Variants in SNX6 observed in about 807,000 individuals in gnomAD.
SNX6 encodes the protein sorting nexin 6.
SNX6 carries 34 observed loss-of-function variants against 63.0 expected under a neutral mutation model. The observed-to-expected ratio is 0.54, with a 90% CI of 0.41 to 0.72. SNX6 has a LOEUF of 0.72. Among genes scored for constraint, SNX6 ranks in the 30% least tolerant of loss-of-function variants. The probability of loss-of-function intolerance (pLI) is 0.00; values close to 1 mark genes in which losing one functional copy is unlikely to be tolerated. For missense variants in SNX6, 398 were observed against 471.4 expected (o/e 0.84, Z 1.44); for synonymous variants, 170 against 164.2 (o/e 1.04, Z -0.27).
chr14:34,579,238 G>C (rs1002159571), intron 10 of SNX6, among the ~76,000 whole-genome samples: 1 of 152,012 alleles, frequency 6.6e-6, no homozygotes, highest in African/African-American at 2.4e-5. Flanking sequence ...TAGCAGTATT[G>C]TTATAAAGAA....
chr14:34,592,074 A>G (rs1468802387), intron 8 of SNX6, among the ~76,000 whole-genome samples: 1 of 152,188 alleles, frequency 6.6e-6, no homozygotes, highest in Non-Finnish European at 1.5e-5. Context: ...GGCATTCTTA[A>G]GTGAAAGTCA....
At position 34,568,272 on chromosome 14, in the gene SNX6, C is replaced by A. The variant is rs191051210; in HGVS notation, c.922-259G>T. Among the ~76,000 whole-genome samples the A allele has an allele frequency of 2.3e-3, 348 of 150,760 alleles. 4 individuals carry two copies. Among genetic ancestry groups the A allele is most frequent in the East Asian group, 0.014 (70 of 5,128 alleles). ...TTTAAGACGGATTCTCGCTCTGTCACCAGGCTGGAGTGCAGTGGCGCGATC... is the reference window on the plus strand; with the variant it reads ...TTTAAGACGGATTCTCGCTCTGTCAACAGGCTGGAGTGCAGTGGCGCGATC... On this transcript the variant is annotated intron_variant, in intron 11 of 13. Coordinates refer to ENST00000362031, the MANE Select transcript of SNX6 (RefSeq NM_152233.4).
At chr14:34,591,544 G>A (rs1169645750) in intron 8 of SNX6, among the ~76,000 whole-genome samples, 1 of 151,930 alleles carries the variant, frequency 6.6e-6, no homozygotes, top group South Asian at 2.1e-4. Flanking sequence ...AGGCTGCAGT[G>A]AGACGAGATC....
At chr14:34,627,449 G>A (rs565985190) in intron 2 of SNX6, among the ~76,000 whole-genome samples, 5 of 148,556 alleles carry the variant, frequency 3.4e-5, no homozygotes, top group South Asian at 4.2e-4. Flanking sequence ...GCGAGACTCC[G>A]TTTCAAAAAA....
chr14:34,567,696 T>C lies in SNX6; in HGVS notation c.1157A>G (p.Lys386Arg), dbSNP rs1236845576. ...TTATTACAACACTACCTTTGCATGC[T>C]TCAGTTCTAACTCTGCCAGTTCCAC... ...NLVELAELEL[K>R]HAKGNLQLLQ... Residue 386 changes from lysine to arginine, a missense_variant, in exon 13 of 14, where the codon AAG becomes AGG. By Grantham distance (26) the Lys-to-Arg change is conservative (BLOSUM62 2). Transcript: ENST00000362031. 8 of 1,611,480 alleles carry C rather than the reference T, an allele frequency of 5.0e-6. 1 individual carries two copies. The African/African-American group carries it at 1.1e-4, about 22-fold the overall frequency.
chr14:34,630,040 G>A, intron 1 of SNX6, 71 bp downstream of exon 1: 1 of 1,438,548 alleles, frequency 7.0e-7, no homozygotes, highest in East Asian at 2.9e-5. Context: ...GGCTGGCGCG[G>A]TCCCCGCGCC....
At chr14:34,596,806 T>C (rs1882619923) in intron 7 of SNX6, among the ~76,000 whole-genome samples, 1 of 151,680 alleles carries the variant, frequency 6.6e-6, no homozygotes, top group African/African-American at 2.4e-5. Context: ...GTAGCTGGGA[T>C]TACAGGCACG....
At chr14:34,584,954 G>A (rs1423879103) in intron 9 of SNX6, among the ~76,000 whole-genome samples, 2 of 151,908 alleles carry the variant, frequency 1.3e-5, no homozygotes, top group African/African-American at 4.8e-5. Context: ...CTGGGTTTAA[G>A]CGATTCTCCT....
intron 7 of SNX6, among the ~76,000 whole-genome samples, chr14:34,596,621 G>GA (rs71121212): frequency 0.39 from 50,695 of 131,110 alleles, 10,766 homozygotes; most frequent in East Asian, 0.73. Flanking sequence ...TCTATCTCAG[G>GA]AAAAAAAAAA....
intron 13 of SNX6, among the ~76,000 whole-genome samples, chr14:34,566,919 T>C (rs1327324229): frequency 6.6e-6 from 1 of 151,448 alleles, no homozygotes. Context: ...CATAATTAAA[T>C]AAATACATTT....
intron 9 of SNX6, among the ~76,000 whole-genome samples, chr14:34,583,367 T>A (rs1191682307): frequency 6.6e-6 from 1 of 152,130 alleles, no homozygotes; most frequent in Non-Finnish European, 1.5e-5. Context: ...GGTATCAGCA[T>A]TTGACAGATA....
chr14:34,613,232 T>C (rs1212396865), intron 2 of SNX6, among the ~76,000 whole-genome samples: 2 of 152,214 alleles, frequency 1.3e-5, no homozygotes, highest in Non-Finnish European at 2.9e-5. Flanking sequence ...GAGCTGGCCC[T>C]GCCAGGTTGA....
intron 11 of SNX6, among the ~76,000 whole-genome samples, chr14:34,573,122 C>G (rs1881524337): frequency 6.6e-6 from 1 of 152,118 alleles, no homozygotes; most frequent in African/African-American, 2.4e-5. Context: ...ACTACGGGAA[C>G]ACACCACCAT....
At chr14:34,586,746 A>T (rs1174532388) in intron 8 of SNX6, among the ~76,000 whole-genome samples, 1 of 122,284 alleles carries the variant, frequency 8.2e-6, no homozygotes, top group Non-Finnish European at 1.8e-5. Flanking sequence ...GCAGTAGCTC[A>T]TGCCTGTAAT....
At chr14:34,603,280 C>T (rs1037288501) in intron 6 of SNX6, 68 bp downstream of exon 6, 40 of 1,451,110 alleles carry the variant, frequency 2.8e-5, no homozygotes, top group African/African-American at 2.0e-4. Flanking sequence ...AGCGAGATTC[C>T]GTCTCAAAAA....
At chr14:34,604,099 C>T (rs1594734969) in intron 5 of SNX6, 1 of 1,175,812 alleles carries the variant, frequency 8.5e-7, no homozygotes, top group South Asian at 1.6e-5. Flanking sequence ...GATATTCTTG[C>T]TTCAACTACG....
chr14:34,581,659 GTA>G (rs1245416514), intron 9 of SNX6, 59 bp from the exon 10 acceptor site: 3 of 1,078,458 alleles, frequency 2.8e-6, no homozygotes, highest in African/African-American at 1.5e-5. Flanking sequence ...CATTTCAAAT[GTA>G]TGAGAATATG....
At chr14:34,596,652 A>T (rs1218074458) in intron 7 of SNX6, among the ~76,000 whole-genome samples, 1 of 150,844 alleles carries the variant, frequency 6.6e-6, no homozygotes, top group Non-Finnish European at 1.5e-5. Flanking sequence ...GAGAAAATGG[A>T]AAAGCTGAGA....
At position 34,567,676 on chromosome 14, in the gene SNX6, A is replaced by G; in HGVS notation, c.1167+10T>C. The G allele has an allele frequency of 6.2e-7, 1 of 1,600,524 alleles. No homozygotes were observed. Among genetic ancestry groups the G allele is most frequent in the Non-Finnish European group, 8.6e-7 (1 of 1,168,864 alleles). On this transcript the variant is annotated intron_variant, in intron 13 of 13. Coordinates refer to ENST00000362031, the MANE Select transcript of SNX6 (RefSeq NM_152233.4). ...TAACTTAAATTATTAAATCTTTATT[A>G]CAACACTACCTTTGCATGCTTCAGT... is the stretch of plus-strand genomic sequence containing the variant.
Sources: gnomAD v4.1 joint callset for allele counts (sites outside exome capture counted in the v4.1 genomes callset) on GRCh38, gnomAD v4.1.1 for gene constraint, MANE v1.5 for transcripts, NCBI Gene and HGNC (gene_info 2026-07-23, HGNC 2026-07-21) for gene names.